Variants in GRIK5 observed in about 807,000 individuals in gnomAD.
The protein encoded by GRIK5 is glutamate receptor ionotropic, kainate 5.
Under a neutral mutation model 97.4 loss-of-function variants are expected in GRIK5, and 43 were observed. The observed-to-expected ratio is 0.44, with a 90% CI of 0.35 to 0.57. The LOEUF is 0.57. Ranked by LOEUF, GRIK5 falls within the 20% of genes least tolerant of loss-of-function variation. GRIK5 has a pLI of 0.01. For missense variants in GRIK5, 1,015 were observed against 1,382.0 expected (o/e 0.73, Z 4.21); for synonymous variants, 580 against 583.5 (o/e 0.99, Z 0.09).
intron 15 of GRIK5, among the ~76,000 whole-genome samples, chr19:42,007,136 C>T (rs1306188227): frequency 6.6e-6 from 1 of 151,070 alleles, no homozygotes; most frequent in African/African-American, 2.4e-5. Context: ...GCTTTGTCAG[C>T]CAGGATGGAG....
intron 6 of GRIK5, among the ~76,000 whole-genome samples, chr19:42,057,622 T>C (rs888837147): frequency 7.9e-5 from 12 of 152,212 alleles, no homozygotes; most frequent in Admixed American, 2.6e-4. Flanking sequence ...TGCCTTGGCC[T>C]CCCATGGTGC....
rs1275417204 is a variant in GRIK5, at chr19:42,021,750, C to T, written c.1697+197G>A. ...GGGGAGAGACCTGAACAGAGAACCA[C>T]AGAGCACAGTCAGAGCCACAAGGGG... On this transcript the variant is annotated intron_variant, in intron 14 of 19. Coordinates refer to ENST00000593562, the MANE Select transcript of GRIK5 (RefSeq NM_002088.5). The surrounding 1 kb of genome is among the most constrained non-coding windows in gnomAD (Gnocchi z 4.2). 6.6e-6 allele frequency among the ~76,000 whole-genome samples: 1 copy of T among 152,006 alleles called. No homozygotes were observed. Among genetic ancestry groups the T allele is most frequent in the East Asian group, 1.9e-4 (1 of 5,196 alleles).
intron 9 of GRIK5, among the ~76,000 whole-genome samples, 179 bp from the exon 10 acceptor site, chr19:42,054,108 G>A (rs545045246): frequency 6.6e-6 from 1 of 152,198 alleles, no homozygotes; most frequent in East Asian, 1.9e-4. Context: ...GGAAGCAAGA[G>A]GAGATGGGAC....
At chr19:42,058,207 G>A (rs889608374) in intron 6 of GRIK5, among the ~76,000 whole-genome samples, 14 of 152,000 alleles carry the variant, frequency 9.2e-5, no homozygotes, top group African/African-American at 3.1e-4. Context: ...TTGAGATGGA[G>A]TCTTGCTCTG....
chr19:41,999,117 C>A lies in GRIK5; in HGVS notation c.2697G>T (p.Ala899=). Residue 899 remains alanine, a synonymous_variant, in exon 20 of 20, where the codon GCG becomes GCT. Coordinates refer to ENST00000593562, the MANE Select transcript of GRIK5 (RefSeq NM_002088.5). This position sits in a 1 kb window ranked among gnomAD's most constrained non-coding sequence, Gnocchi z 5.0. The stretch of plus-strand genomic sequence containing the variant: ...GCTGCGGGCCCCCGTGCGCGCTGCC[C>A]GCATCCCCGCCCGCGCCGGCCGAGT... The part of the protein sequence containing the change: ...KLYSAGAGGD[A]GSAHGGPQRL... 7.1e-7 allele frequency: 1 copy of A among 1,411,856 alleles called. No individual in the cohort carries two copies. Among genetic ancestry groups the A allele is most frequent in the Non-Finnish European group, 9.2e-7 (1 of 1,089,098 alleles). 87.5% of individuals were successfully genotyped at this position (1,411,856 alleles called of 1,614,324 possible).
rs1395296029 is a variant in GRIK5, at chr19:42,021,537, A to C, written c.1698-63T>G. The C allele has an allele frequency of 7.4e-7, 1 of 1,344,022 alleles. No homozygotes were observed. Among genetic ancestry groups the C allele is most frequent in the African/African-American group, 1.5e-5 (1 of 67,766 alleles). 83.3% of individuals were successfully genotyped at this position (1,344,022 alleles called of 1,614,324 possible). On this transcript the variant is annotated intron_variant, in intron 14 of 19. Coordinates refer to ENST00000593562, the MANE Select transcript of GRIK5 (RefSeq NM_002088.5). This position sits in a 1 kb window ranked among gnomAD's most constrained non-coding sequence, Gnocchi z 4.2. ...GCCCAGGTGGGGAGGAAAAGGAAAG[A>C]AGCAAAGGAAAGTCACAGTGATCAG...
At chr19:42,069,082 C>T (rs911053806) in intron 1 of GRIK5, 159 bp downstream of exon 1, 14 of 453,144 alleles carry the variant, frequency 3.1e-5, no homozygotes, top group African/African-American at 1.0e-4. Context: ...GGTGAATGGA[C>T]GCTGAGGAGA....
chr19:42,068,756 A>G, intron 1 of GRIK5: 1 of 512,840 alleles, frequency 1.9e-6, no homozygotes, highest in Non-Finnish European at 3.5e-6. Context: ...GAAGTTGGGC[A>G]GAGTCAGAGA....
In GRIK5 at chr19:42,006,783, G is replaced by A; in HGVS notation, c.1899C>T (p.Ser633=). The A allele has an allele frequency of 1.2e-6, 2 of 1,611,290 alleles. No individual in the cohort carries two copies. The highest frequency in any genetic ancestry group is 1.7e-6 in the Non-Finnish European group (2 of 1,178,420). The change falls in exon 16 of 20, where the codon TCC becomes TCT. Residue 633 remains serine, a synonymous_variant. Coordinates refer to ENST00000593562, the MANE Select transcript of GRIK5 (RefSeq NM_002088.5). This position sits in a 1 kb window ranked among gnomAD's most constrained non-coding sequence, Gnocchi z 5.3. ...AGGCGGCCAGGTTGGCCGTGTAGGA[G>A]GAGATGATGATCAAGGTGAAGGCCC... is the stretch of plus-strand genomic sequence containing the variant. ...VWWAFTLIII[S]SYTANLAAFL...
At chr19:42,064,747 C>A (rs1460313750) in intron 3 of GRIK5, among the ~76,000 whole-genome samples, 1 of 152,238 alleles carries the variant, frequency 6.6e-6, no homozygotes, top group African/African-American at 2.4e-5. Context: ...CACCTTCGAA[C>A]ATTCAGCCCA....
chr19:42,061,709 C>T (rs1335842581), intron 5 of GRIK5, among the ~76,000 whole-genome samples: 1 of 152,178 alleles, frequency 6.6e-6, no homozygotes, highest in Non-Finnish European at 1.5e-5. Flanking sequence ...CTCACATCAC[C>T]CTGGCCCCCT....
intron 11 of GRIK5, among the ~76,000 whole-genome samples, chr19:42,050,314 C>T (rs542395357): frequency 3.3e-5 from 5 of 152,232 alleles, no homozygotes; most frequent in Admixed American, 6.5e-5. Context: ...GTGTGGATGG[C>T]AGTGCCAGGC....
rs1256025316 is a variant in GRIK5 at position 41,999,642 on chromosome 19, A to T, written c.2515-343T>A. 6.6e-6 allele frequency among the ~76,000 whole-genome samples: 1 copy of T among 151,866 alleles called. No individual in the cohort carries two copies. Among genetic ancestry groups the T allele is most frequent in the Admixed American group, 6.6e-5 (1 of 15,248 alleles). ...ATTTCCCATCTTCTGCCCCTCATCC[A>T]TGCGTTCATTATTGCAAGGCATATT... On this transcript the variant is annotated intron_variant, in intron 19 of 19. Coordinates refer to ENST00000593562, the MANE Select transcript of GRIK5 (RefSeq NM_002088.5). The surrounding 1 kb of genome is among the most constrained non-coding windows in gnomAD (Gnocchi z 5.0).
rs537105722 is a variant in GRIK5, at chr19:42,023,216, G to A, written c.1474-862C>T. ...TGGCGCAGGCTAAACAGCTAAAGCC[G>A]GGTACGGGAGAGATGGCACCAGCCT... On this transcript the variant is annotated intron_variant, in intron 12 of 19. Transcript: ENST00000593562. Among the ~76,000 whole-genome samples, 92 of 151,954 alleles carry A rather than the reference G, an allele frequency of 6.1e-4. 1 individual carries two copies. The highest frequency in any genetic ancestry group is 2.0e-3 in the African/African-American group (82 of 41,440).
At chr19:42,060,151 C>A (rs2076239648) in intron 5 of GRIK5, among the ~76,000 whole-genome samples, 1 of 151,976 alleles carries the variant, frequency 6.6e-6, no homozygotes, top group Admixed American at 6.6e-5. Flanking sequence ...GCCTCCAAAG[C>A]CACACAATCT....
At chr19:42,013,710 T>A (rs2075593414) in intron 15 of GRIK5, among the ~76,000 whole-genome samples, 1 of 152,102 alleles carries the variant, frequency 6.6e-6, no homozygotes, top group East Asian at 1.9e-4. Context: ...GCGCCCGGCC[T>A]AAAAGCATCT....
intron 19 of GRIK5, among the ~76,000 whole-genome samples, chr19:42,001,211 T>C (rs1357688889): frequency 6.6e-6 from 1 of 152,218 alleles, no homozygotes; most frequent in East Asian, 1.9e-4. Context: ...CTGGGAAATG[T>C]TAAAGAATAA....
intron 12 of GRIK5, among the ~76,000 whole-genome samples, chr19:42,026,552 C>A (rs1387934177): frequency 6.6e-6 from 1 of 151,182 alleles, no homozygotes; most frequent in Non-Finnish European, 1.5e-5. Flanking sequence ...CCGCACCCGG[C>A]CCTATTTATT....
In GRIK5 at chr19:42,022,114, C is replaced by A; in HGVS notation, c.1588-58G>T. 7.0e-7 allele frequency: 1 copy of A among 1,428,760 alleles called. No individual in the cohort carries two copies. The highest frequency in any genetic ancestry group is 9.8e-7 in the Non-Finnish European group (1 of 1,023,678). The allele number at this position is 1,428,760 out of a possible 1,614,324, so 88.5% of individuals were successfully genotyped here. A position where few individuals can be genotyped will look rare whatever the true frequency, so the allele number is the denominator to read the frequency against. ...CCCTGGCCTGAGCCTCACACCCAGC[C>A]CCTGCCCTACCAGGGACCTGGGAGC... On this transcript the variant is annotated intron_variant, in intron 13 of 19. Coordinates refer to ENST00000593562, the MANE Select transcript of GRIK5 (RefSeq NM_002088.5). The surrounding 1 kb of genome is among the most constrained non-coding windows in gnomAD (Gnocchi z 4.2).
Sources: gnomAD v4.1 joint callset for allele counts (sites outside exome capture counted in the v4.1 genomes callset) on GRCh38, gnomAD v4.1.1 for gene constraint, Gnocchi (gnomAD v3.1) non-coding constraint, MANE v1.5 for transcripts, NCBI Gene and HGNC (gene_info 2026-07-23, HGNC 2026-07-21) for gene names.